Variants in SPECC1 observed in about 807,000 individuals in gnomAD.
The protein encoded by SPECC1 is sperm antigen with calponin homology and coiled-coil domains 1, also known as cytospin-B.
Under a neutral mutation model 104.1 loss-of-function variants are expected in SPECC1, and 62 were observed. The observed-to-expected ratio is 0.60, with a 90% CI of 0.49 to 0.74. The LOEUF is 0.74. SPECC1 is among the 30% of genes least tolerant of loss of function. SPECC1 has a pLI of 0.00. For synonymous variants in SPECC1, 513 were observed against 501.6 expected (o/e 1.02, Z -0.30); for missense variants, 1,306 against 1,310.5 (o/e 1.00, Z 0.05).
intron 14 of SPECC1, among the ~76,000 whole-genome samples, chr17:20,307,354 A>G (rs1346055664): frequency 1.3e-5 from 2 of 152,308 alleles, no homozygotes; most frequent in South Asian, 2.1e-4. Context: ...ACCATCTTTA[A>G]TCTGTTCCTT....
At chr17:20,078,916 G>A (rs2046865161) in intron 1 of SPECC1, among the ~76,000 whole-genome samples, 1 of 152,118 alleles carries the variant, frequency 6.6e-6, no homozygotes, top group Admixed American at 6.5e-5. Flanking sequence ...TATTTCATGA[G>A]TCTGAATTTG....
intron 11 of SPECC1, among the ~76,000 whole-genome samples, chr17:20,258,612 G>T (rs922617967): frequency 6.6e-6 from 1 of 152,188 alleles, no homozygotes; most frequent in African/African-American, 2.4e-5. Flanking sequence ...CTGCCAGAAT[G>T]GCCCTGTTCC....
Position 20,086,147 on chromosome 17 carries a change from C to G in SPECC1, c.-21-10484C>G, listed in dbSNP as rs78363097. 2.7e-3 allele frequency among the ~76,000 whole-genome samples: 408 copies of G among 152,314 alleles called. 15 individuals are homozygous for G. In the East Asian group the frequency reaches 0.076, roughly 28 times the overall value. ...CAGTCCCACTGCTGCCTCCGCCACC[C>G]TGGGCACCACTGCTGCCTTGTTGCC... is the stretch of plus-strand genomic sequence containing the variant. On this transcript the variant is annotated intron_variant, in intron 1 of 14. Coordinates refer to ENST00000395527, the MANE Select transcript of SPECC1 (RefSeq NM_001243439.2).
At chr17:20,206,011 T>C (rs2036756942) in intron 4 of SPECC1, 99 bp downstream of exon 4, 1 of 1,456,022 alleles carries the variant, frequency 6.9e-7, no homozygotes, top group Non-Finnish European at 9.1e-7. Context: ...ATTTGCTTAG[T>C]CTGTTTCATT....
chr17:20,297,338 G>A (rs139460807), intron 13 of SPECC1, among the ~76,000 whole-genome samples: 37 of 152,314 alleles, frequency 2.4e-4, no homozygotes, highest in African/African-American at 8.7e-4. Flanking sequence ...CAAAGAACCA[G>A]CAAGCACCAA....
intron 3 of SPECC1, among the ~76,000 whole-genome samples, chr17:20,139,972 C>T (rs759947185): frequency 2.6e-5 from 4 of 152,186 alleles, no homozygotes; most frequent in Non-Finnish European, 4.4e-5. Context: ...CCGCACCCAG[C>T]CCACTTCTTT....
intron 3 of SPECC1, among the ~76,000 whole-genome samples, chr17:20,188,182 A>C (rs1196147125): frequency 6.6e-6 from 1 of 152,142 alleles, no homozygotes; most frequent in Non-Finnish European, 1.5e-5. Context: ...ATGAAAAATT[A>C]GGTTATATGA....
chr17:20,208,654 C>T (rs138737464), intron 4 of SPECC1, among the ~76,000 whole-genome samples: 189 of 152,250 alleles, frequency 1.2e-3, no homozygotes, highest in African/African-American at 4.3e-3. Flanking sequence ...TGTGCAATGT[C>T]GAATAGAAGC....
At chr17:20,220,819 G>GTA in intron 4 of SPECC1, among the ~76,000 whole-genome samples, 1 of 152,150 alleles carries the variant, frequency 6.6e-6, no homozygotes, top group South Asian at 2.1e-4. Context: ...TGGGTCTGTT[G>GTA]TATATGGCTT....
In SPECC1 at chr17:20,317,244, T is replaced by C. The variant is rs1174037782; in HGVS notation, c.*3179T>C. 2.0e-5 allele frequency: 3 copies of C among 148,832 alleles called. No individual in the cohort carries two copies. The highest frequency in any genetic ancestry group is 4.1e-5 in the Non-Finnish European group (3 of 73,382). The allele number at this position is 148,832 out of a possible 1,614,324, so 9.2% of individuals were successfully genotyped here. A position where few individuals can be genotyped will look rare whatever the true frequency, so the allele number is the denominator to read the frequency against. On this transcript the variant is annotated 3_prime_UTR_variant, in exon 15 of 15. Transcript: ENST00000395527. Reference sequence around the variant, plus strand: ...AGCCTGGGCAACATGGCAAGACCTCTGACTCTATAAAAAAATTTTTTTTTT... The same window carrying C: ...AGCCTGGGCAACATGGCAAGACCTCCGACTCTATAAAAAAATTTTTTTTTT...
chr17:20,195,871 G>T (rs1357400531), intron 3 of SPECC1, among the ~76,000 whole-genome samples: 1 of 152,148 alleles, frequency 6.6e-6, no homozygotes, highest in Non-Finnish European at 1.5e-5. Context: ...TTGTTAAAGA[G>T]CAGGTCATAA....
At chr17:20,050,420 T>C (rs2045696506) in intron 1 of SPECC1, among the ~76,000 whole-genome samples, 1 of 151,718 alleles carries the variant, frequency 6.6e-6, no homozygotes, top group South Asian at 2.1e-4. Context: ...CCATGTCTGT[T>C]TGTCTATTCA....
rs376963004 is a variant in SPECC1, at chr17:20,021,522, T to C, written c.-22+12098T>C. Among the ~76,000 whole-genome samples the C allele has an allele frequency of 2.6e-4, 40 of 152,042 alleles. No homozygotes were observed. The East Asian group carries it at 5.4e-3, about 21-fold the overall frequency. Reference sequence around the variant, plus strand: ...CTTATGGACTTGTGTGAGAATTCTTTGGGATTTAGACCCAGGAGTAGGACT... The same window carrying C: ...CTTATGGACTTGTGTGAGAATTCTTCGGGATTTAGACCCAGGAGTAGGACT... On this transcript the variant is annotated intron_variant, in intron 1 of 14. Coordinates refer to ENST00000395527, the MANE Select transcript of SPECC1 (RefSeq NM_001243439.2).
intron 7 of SPECC1, chr17:20,237,015 TTC>T (rs2038955956): frequency 6.5e-7 from 1 of 1,548,832 alleles, no homozygotes; most frequent in Non-Finnish European, 8.7e-7. Flanking sequence ...CCTTGTGACA[TTC>T]TCTGTTTCTC....
chr17:20,215,466 CTT>C (rs1387370386), intron 4 of SPECC1, among the ~76,000 whole-genome samples: 1 of 152,148 alleles, frequency 6.6e-6, no homozygotes, highest in African/African-American at 2.4e-5. Context: ...AGTCAGGTAT[CTT>C]TCTTCTCCAC....
intron 3 of SPECC1, among the ~76,000 whole-genome samples, chr17:20,158,853 A>T (rs1222192640): frequency 2.6e-5 from 4 of 151,854 alleles, no homozygotes; most frequent in South Asian, 2.1e-4. Flanking sequence ...TGACCTTCCA[A>T]GCTCAGGCAA....
intron 3 of SPECC1, among the ~76,000 whole-genome samples, chr17:20,189,093 C>T (rs1245167328): frequency 6.6e-6 from 1 of 152,158 alleles, no homozygotes; most frequent in Admixed American, 6.5e-5. Context: ...TGCATCGAGC[C>T]TCCGTAACCT....
chr17:20,289,556 G>A (rs1392789144), intron 12 of SPECC1, among the ~76,000 whole-genome samples: 1 of 152,152 alleles, frequency 6.6e-6, no homozygotes, highest in Non-Finnish European at 1.5e-5. Flanking sequence ...ATCCGCCTAG[G>A]CCTCCCAAAA....
chr17:20,039,189 A>T (rs2152451734), intron 1 of SPECC1, among the ~76,000 whole-genome samples: 1 of 152,280 alleles, frequency 6.6e-6, no homozygotes, highest in East Asian at 1.9e-4. Context: ...GGGTCTAAGG[A>T]TATGTTCAGT....
Sources: gnomAD v4.1 joint callset for allele counts (sites outside exome capture counted in the v4.1 genomes callset) on GRCh38, gnomAD v4.1.1 for gene constraint, MANE v1.5 for transcripts, NCBI Gene and HGNC (gene_info 2026-07-23, HGNC 2026-07-21) for gene names.